SHANK2: variants seen among roughly 807,000 people sequenced by gnomAD.
The protein encoded by SHANK2 is SH3 and multiple ankyrin repeat domains protein 2.
A neutral mutation model predicts 133.7 loss-of-function variants in SHANK2; 43 were observed. The observed-to-expected ratio is 0.32, with a 90% CI of 0.25 to 0.41. The LOEUF (loss-of-function observed/expected upper bound fraction) is 0.41. Among genes scored for constraint, SHANK2 ranks in the 10% least tolerant of loss-of-function variants. The probability of loss-of-function intolerance (pLI) is 1.00; values close to 1 mark genes in which losing one functional copy is unlikely to be tolerated. For missense variants in SHANK2, 1,994 were observed against 2,235.8 expected (o/e 0.89, Z 2.18); for synonymous variants, 1,017 against 952.8 (o/e 1.07, Z -1.24).
chr11:70,826,617 G>A, intron 11 of SHANK2: 2 of 456,080 alleles, frequency 4.4e-6, no homozygotes, highest in South Asian at 3.1e-5. Flanking sequence ...CCGGGGAGAG[G>A]TGGCGGGTGT....
At chr11:70,903,032 C>G (rs1950045910) in intron 10 of SHANK2, among the ~76,000 whole-genome samples, 1 of 152,174 alleles carries the variant, frequency 6.6e-6, no homozygotes, top group Admixed American at 6.5e-5. Context: ...TCTCCCAACT[C>G]AAGAATTGAC....
chr11:70,641,130 G>A (rs563579589), intron 17 of SHANK2, among the ~76,000 whole-genome samples: 2 of 133,970 alleles, frequency 1.5e-5, no homozygotes, highest in South Asian at 4.7e-4. Flanking sequence ...AAGTCTTGCT[G>A]TGTTGCCCAG....
At chr11:71,226,770 C>T (rs1555122308) in intron 1 of SHANK2, 1 of 151,816 alleles carries the variant, frequency 6.6e-6, no homozygotes, top group African/African-American at 2.4e-5. Context: ...AAAAAGAAGC[C>T]TTTCTAAATA....
intron 25 of SHANK2, among the ~76,000 whole-genome samples, chr11:70,481,204 CT>C (rs2058729031): frequency 6.6e-6 from 1 of 152,206 alleles, no homozygotes; most frequent in South Asian, 2.1e-4. Context: ...ATATGATGTA[CT>C]TTTTTCTCTT....
Position 70,838,945 on chromosome 11 carries a change from A to G in SHANK2, c.1175-18263T>C, listed in dbSNP as rs547272106. Among the ~76,000 whole-genome samples, 34 of 152,260 alleles carry G rather than the reference A, an allele frequency of 2.2e-4. 1 individual carries two copies. Among genetic ancestry groups the G allele is most frequent in the African/African-American group, 8.2e-4 (34 of 41,558 alleles). ...AAGGGTGGGGGGCCCCTCTTCTGTC[A>G]AGGGTCCCAGCATCTCTAGTTCTGT... is the stretch of plus-strand genomic sequence containing the variant. On this transcript the variant is annotated intron_variant, in intron 11 of 25. Transcript: ENST00000601538.
intron 6 of SHANK2, among the ~76,000 whole-genome samples, chr11:71,105,651 G>A (rs980275601): frequency 7.4e-5 from 11 of 149,182 alleles, no homozygotes; most frequent in Non-Finnish European, 1.6e-4. Flanking sequence ...CAGGGATGAA[G>A]AGGGGCACAG....
intron 11 of SHANK2, among the ~76,000 whole-genome samples, chr11:70,870,738 C>T (rs2135539135): frequency 6.6e-6 from 1 of 152,322 alleles, no homozygotes. Flanking sequence ...GTGAGGTTTG[C>T]TCCGAGTGCA....
At chr11:70,901,353 G>T (rs1314580934) in intron 10 of SHANK2, among the ~76,000 whole-genome samples, 1 of 152,136 alleles carries the variant, frequency 6.6e-6, no homozygotes, top group Non-Finnish European at 1.5e-5. Flanking sequence ...TATTCTCGAG[G>T]GTTATGACAA....
intron 22 of SHANK2, among the ~76,000 whole-genome samples, chr11:70,490,966 CA>C (rs1479562994): frequency 6.6e-6 from 1 of 152,224 alleles, no homozygotes; most frequent in East Asian, 1.9e-4. Flanking sequence ...CTCAGGGGCA[CA>C]GCCTGGAGTC....
chr11:71,121,123 G>A (rs558328475), intron 3 of SHANK2, among the ~76,000 whole-genome samples: 3 of 152,326 alleles, frequency 2.0e-5, no homozygotes, highest in African/African-American at 4.8e-5. Flanking sequence ...CTCAAAGGTC[G>A]GAAAGCCTGG....
intron 14 of SHANK2, among the ~76,000 whole-genome samples, chr11:70,769,161 T>C (rs1254101784): frequency 2.0e-5 from 3 of 152,054 alleles, no homozygotes; most frequent in African/African-American, 2.4e-5. Flanking sequence ...GGGTGGGTGG[T>C]TGAGTGAATG....
intron 3 of SHANK2, among the ~76,000 whole-genome samples, chr11:71,130,984 G>A (rs529635278): frequency 3.3e-5 from 5 of 152,242 alleles, no homozygotes; most frequent in African/African-American, 4.8e-5. Context: ...CTGCAGCTAC[G>A]GTTTCTGTCA....
chr11:70,658,208 A>AACACACACACACACACACAC (rs782131753), intron 17 of SHANK2, among the ~76,000 whole-genome samples: 1 of 97,502 alleles, frequency 1.0e-5, no homozygotes, highest in Non-Finnish European at 2.1e-5. Flanking sequence ...ACGCCCCCCC[A>AACACACACACACACACACAC]ACACACACAC....
At chr11:70,767,227 A>T (rs1031944333) in intron 14 of SHANK2, among the ~76,000 whole-genome samples, 1 of 152,238 alleles carries the variant, frequency 6.6e-6, no homozygotes, top group South Asian at 2.1e-4. Context: ...GGAGAGGGCC[A>T]GGCAGCAGCC....
intron 17 of SHANK2, among the ~76,000 whole-genome samples, chr11:70,551,525 C>A (rs1174241248): frequency 1.3e-5 from 2 of 152,226 alleles, no homozygotes; most frequent in African/African-American, 2.4e-5. Context: ...CCTCGGCAGC[C>A]CCGGTGTGAT....
Position 71,101,585 on chromosome 11 carries a change from A to T in SHANK2, c.593-6897T>A, listed in dbSNP as rs374392342. On this transcript the variant is annotated intron_variant, in intron 6 of 25. Coordinates refer to ENST00000601538, the MANE Select transcript of SHANK2 (RefSeq NM_012309.5). The stretch of plus-strand genomic sequence containing the variant: ...AGGTTTACGAGGTTCCAGAACCATT[A>T]TTCTCTTGAATTGCCTCACATTCCC... Among the ~76,000 whole-genome samples the T allele has an allele frequency of 5.3e-5, 8 of 152,340 alleles. No individual in the cohort carries two copies. The East Asian group carries it at 5.8e-4, about 11-fold the overall frequency.
chr11:70,532,414 G>A (rs540152110), intron 17 of SHANK2, among the ~76,000 whole-genome samples: 30 of 152,284 alleles, frequency 2.0e-4, no homozygotes, highest in African/African-American at 6.5e-4. Flanking sequence ...TCTCACATTT[G>A]CACAAAGGTA....
At position 70,682,409 on chromosome 11, in the gene SHANK2, C is replaced by T. The variant is rs987979842; in HGVS notation, c.1853+16279G>A. Among the ~76,000 whole-genome samples the T allele has an allele frequency of 3.3e-5, 5 of 152,284 alleles. No individual in the cohort carries two copies. In the South Asian group the frequency reaches 6.2e-4, roughly 19 times the overall value. ...GACACAATGATGTTGCAAAGGCTGG[C>T]GGGAGGATCACCGAAGGTCAGGAGT... On this transcript the variant is annotated intron_variant, in intron 15 of 25. Coordinates refer to ENST00000601538, the MANE Select transcript of SHANK2 (RefSeq NM_012309.5).
intron 17 of SHANK2, among the ~76,000 whole-genome samples, chr11:70,520,756 GTTTA>G (rs1386794704): frequency 6.6e-6 from 1 of 152,160 alleles, no homozygotes; most frequent in Non-Finnish European, 1.5e-5. Flanking sequence ...TCTTTCAGTT[GTTTA>G]TTTATCAGTG....
Sources: gnomAD v4.1 joint callset for allele counts (sites outside exome capture counted in the v4.1 genomes callset) on GRCh38, gnomAD v4.1.1 for gene constraint, MANE v1.5 for transcripts, NCBI Gene and HGNC (gene_info 2026-07-23, HGNC 2026-07-21) for gene names.